PIK3CB: variants seen among roughly 807,000 people sequenced by gnomAD.
The protein encoded by PIK3CB is phosphatidylinositol-4,5-bisphosphate 3-kinase catalytic subunit beta, also known as phosphatidylinositol 4,5-bisphosphate 3-kinase catalytic subunit beta isoform.
Under a neutral mutation model 136.8 loss-of-function variants are expected in PIK3CB, and 39 were observed. The ratio of observed to expected loss-of-function variants is 0.29; its 90% confidence interval spans 0.22 to 0.37. PIK3CB has a LOEUF of 0.37. Ranked by LOEUF, PIK3CB falls within the 10% of genes least tolerant of loss-of-function variation. The pLI, the probability that PIK3CB is intolerant of heterozygous loss-of-function variation, is 1.00. For synonymous variants in PIK3CB, 428 were observed against 436.6 expected (o/e 0.98, Z 0.25); for missense variants, 868 against 1,275.4 (o/e 0.68, Z 4.87).
intron 8 of PIK3CB, among the ~76,000 whole-genome samples, chr3:138,730,587 T>A (rs908516446): frequency 1.3e-5 from 2 of 152,176 alleles, no homozygotes; most frequent in African/African-American, 4.8e-5. Flanking sequence ...ATATTCCATA[T>A]GACTTGTGGG....
chr3:138,715,844 T>TA lies in PIK3CB; in HGVS notation c.1051-1126dup, dbSNP rs984555433. On this transcript the variant is annotated intron_variant, in intron 8 of 23. Transcript: ENST00000674063. The stretch of plus-strand genomic sequence containing the variant: ...GTAGGCCAGACATATCATAATATAG[T>TA]AAAAAAAAGATGACTGACTTAATAA... Among the ~76,000 whole-genome samples the TA allele has an allele frequency of 1.3e-3, 193 of 151,550 alleles. 4 individuals are homozygous for TA. Among genetic ancestry groups the TA allele is most frequent in the Non-Finnish European group, 5.6e-4 (38 of 67,838 alleles).
At chr3:138,705,200 A>AAAAAAAAAAAC in intron 11 of PIK3CB, among the ~76,000 whole-genome samples, 1 of 144,170 alleles carries the variant, frequency 6.9e-6, no homozygotes. Context: ...CAAAAAAAAA[A>AAAAAAAAAAAC]ACTTATATTT....
At chr3:138,681,366 TA>T (rs2043778438) in intron 19 of PIK3CB, among the ~76,000 whole-genome samples, 1 of 152,198 alleles carries the variant, frequency 6.6e-6, no homozygotes. Flanking sequence ...ATACTTTTTA[TA>T]AAATGCCTTT....
At chr3:138,723,977 C>T (rs2044785359) in intron 8 of PIK3CB, among the ~76,000 whole-genome samples, 1 of 152,156 alleles carries the variant, frequency 6.6e-6, no homozygotes, top group Non-Finnish European at 1.5e-5. Flanking sequence ...ACCTTCATCA[C>T]TTCAGACACC....
intron 1 of PIK3CB, among the ~76,000 whole-genome samples, chr3:138,813,802 A>C (rs1933182847): frequency 6.6e-6 from 1 of 152,198 alleles, no homozygotes; most frequent in South Asian, 2.1e-4. Context: ...AGACATTACA[A>C]GAGATGATTT....
At chr3:138,673,446 C>T (rs1021534732) in intron 19 of PIK3CB, among the ~76,000 whole-genome samples, 6 of 151,972 alleles carry the variant, frequency 3.9e-5, no homozygotes, top group African/African-American at 9.7e-5. Context: ...ATAACCAGAC[C>T]GAGAACAGAC....
intron 8 of PIK3CB, among the ~76,000 whole-genome samples, chr3:138,725,279 T>C (rs2044813423): frequency 6.6e-6 from 1 of 152,146 alleles, no homozygotes; most frequent in Admixed American, 6.5e-5. Flanking sequence ...AACTAGGCTA[T>C]GGGGAATTAT....
chr3:138,834,266 C>T (rs1400622995), intron 1 of PIK3CB, among the ~76,000 whole-genome samples: 1 of 152,216 alleles, frequency 6.6e-6, no homozygotes, highest in Admixed American at 6.5e-5. Context: ...ACCTAATAAC[C>T]CTGGGTCCAC....
chr3:138,823,652 G>A (rs1164828349), intron 1 of PIK3CB, among the ~76,000 whole-genome samples: 4 of 152,192 alleles, frequency 2.6e-5, no homozygotes, highest in African/African-American at 4.8e-5. Context: ...GCAGTGAGCC[G>A]AGATGGCGCC....
chr3:138,676,693 TAAAACATG>T (rs539601327), intron 19 of PIK3CB, among the ~76,000 whole-genome samples: 351 of 152,320 alleles, frequency 2.3e-3, no homozygotes, highest in African/African-American at 8.1e-3. Flanking sequence ...TGGTTACTGT[TAAAACATG>T]AATACACTTT....
intron 9 of PIK3CB, 60 bp downstream of exon 9, chr3:138,714,408 A>T: frequency 8.6e-7 from 1 of 1,166,186 alleles, no homozygotes; most frequent in Non-Finnish European, 1.2e-6. Flanking sequence ...CAATTATTTC[A>T]AACAGTCTTA....
At chr3:138,736,808 G>A (rs2045115849) in intron 6 of PIK3CB, among the ~76,000 whole-genome samples, 1 of 152,258 alleles carries the variant, frequency 6.6e-6, no homozygotes, top group Non-Finnish European at 1.5e-5. Flanking sequence ...CCTAATGCCT[G>A]CAAAATTCTT....
intron 1 of PIK3CB, among the ~76,000 whole-genome samples, chr3:138,805,499 G>A (rs894425290): frequency 1.3e-5 from 2 of 150,650 alleles, no homozygotes; most frequent in Non-Finnish European, 3.0e-5. Flanking sequence ...TGAAACCCCC[G>A]TCTCCAATAA....
chr3:138,709,579 T>C (rs1038763974), intron 10 of PIK3CB, among the ~76,000 whole-genome samples: 2 of 152,200 alleles, frequency 1.3e-5, no homozygotes, highest in African/African-American at 4.8e-5. Flanking sequence ...GGTAGATTAT[T>C]TGTAGTTTCT....
At chr3:138,791,606 G>C (rs1020064924) in intron 2 of PIK3CB, among the ~76,000 whole-genome samples, 1 of 152,152 alleles carries the variant, frequency 6.6e-6, no homozygotes, top group Non-Finnish European at 1.5e-5. Flanking sequence ...GATGATGTCA[G>C]CTCCTACTAC....
At position 138,663,947 on chromosome 3, in the gene PIK3CB, C is replaced by A; in HGVS notation, c.2755G>T (p.Asp919Tyr). The A allele has an allele frequency of 1.2e-6, 2 of 1,614,042 alleles. No individual in the cohort carries two copies. The highest frequency in any genetic ancestry group is 2.2e-5 in the South Asian group (2 of 91,052). ...ACCATGATGTTGTCACTATGTCTGT[C>A]ACCAATCCCAAGGACATAAGAAGCT... ...CVASYVLGIG[D>Y]RHSDNIMVKK... Residue 919 changes from aspartate (D) to tyrosine (Y), a missense_variant, in exon 21 of 24, where the codon GAC becomes TAC. Transcript: ENST00000674063.
chr3:138,699,736 GATAA>G (rs1340030779), intron 12 of PIK3CB, among the ~76,000 whole-genome samples: 141 of 152,270 alleles, frequency 9.3e-4, no homozygotes, highest in Non-Finnish European at 3.4e-4. Context: ...TTAATAGATG[GATAA>G]ATAAATATAT....
intron 1 of PIK3CB, among the ~76,000 whole-genome samples, chr3:138,811,376 C>T (rs1041463179): frequency 1.3e-5 from 2 of 150,226 alleles, no homozygotes; most frequent in Non-Finnish European, 2.9e-5. Context: ...GGTAACAATA[C>T]CAATGTTAAG....
At chr3:138,812,252 T>G (rs529143303) in intron 1 of PIK3CB, among the ~76,000 whole-genome samples, 4,822 of 150,914 alleles carry the variant, frequency 0.032, 252 homozygotes, top group African/African-American at 0.11. Flanking sequence ...TTTTTTTTTT[T>G]GGGGGGACAG....
Sources: allele counts gnomAD v4.1 joint callset (sites outside exome capture counted in the v4.1 genomes callset), GRCh38; gene constraint gnomAD v4.1.1; transcripts MANE v1.5; gene names NCBI Gene and HGNC (gene_info 2026-07-23, HGNC 2026-07-21).